Variants in DPP10 observed in about 807,000 individuals in gnomAD.
DPP10 encodes inactive dipeptidyl peptidase 10.
DPP10 carries 33 observed loss-of-function variants against 120.9 expected under a neutral mutation model. That is an observed-to-expected ratio of 0.27 (90% confidence interval 0.21 to 0.37). The LOEUF (loss-of-function observed/expected upper bound fraction) is 0.37. Ranked by LOEUF, DPP10 falls within the 10% of genes least tolerant of loss-of-function variation. DPP10 has a pLI of 1.00. For synonymous variants in DPP10, 337 were observed against 326.1 expected (o/e 1.03, Z -0.36); for missense variants, 816 against 942.8 (o/e 0.87, Z 1.76).
intron 1 of DPP10, among the ~76,000 whole-genome samples, chr2:114,731,055 A>T (rs1276229496): frequency 6.6e-6 from 1 of 152,058 alleles, no homozygotes; most frequent in East Asian, 1.9e-4. Context: ...TCACAAAAAA[A>T]TTATCTGGGG....
intron 19 of DPP10, among the ~76,000 whole-genome samples, chr2:115,811,463 CTG>C (rs1305308367): frequency 2.0e-5 from 3 of 152,178 alleles, no homozygotes; most frequent in African/African-American, 4.8e-5. Flanking sequence ...AGTTTGAAAA[CTG>C]TGCCTTATTT....
chr2:115,336,619 G>A (rs2063155581), intron 2 of DPP10, among the ~76,000 whole-genome samples: 1 of 148,774 alleles, frequency 6.7e-6, no homozygotes, highest in Non-Finnish European at 1.5e-5. Context: ...ATATATAATT[G>A]TGCCTTATAT....
intron 10 of DPP10, chr2:115,750,185 C>G (rs1312428502): frequency 1.3e-5 from 13 of 984,952 alleles, no homozygotes; most frequent in Non-Finnish European, 1.6e-5. Context: ...ACGAGTGTGA[C>G]ATTTCCAGGT....
chr2:115,658,853 C>T (rs1312953801), intron 5 of DPP10, among the ~76,000 whole-genome samples: 2 of 152,088 alleles, frequency 1.3e-5, no homozygotes, highest in Non-Finnish European at 2.9e-5. Flanking sequence ...TGAAAGAAAG[C>T]TTGTCCAGCC....
At chr2:115,046,222 T>G (rs1705060545) in intron 1 of DPP10, among the ~76,000 whole-genome samples, 1 of 152,196 alleles carries the variant, frequency 6.6e-6, no homozygotes, top group Non-Finnish European at 1.5e-5. Context: ...ACAAATTATA[T>G]TGTTTTAGAG....
At position 115,709,987 on chromosome 2, in the gene DPP10, C is replaced by T. The variant is rs75120855; in HGVS notation, c.577-17829C>T. On this transcript the variant is annotated intron_variant, in intron 7 of 25. Coordinates refer to ENST00000410059, the MANE Select transcript of DPP10 (RefSeq NM_020868.6). ...ATAATCCCTCAAAAGTAAATGTTAG[C>T]GAAACTGTTGAAAACTAAAGATAAA... Among the ~76,000 whole-genome samples, 32 of 152,066 alleles carry T rather than the reference C, an allele frequency of 2.1e-4. No individual in the cohort carries two copies. The East Asian group carries it at 3.9e-3, about 18-fold the overall frequency.
intron 21 of DPP10, among the ~76,000 whole-genome samples, chr2:115,828,203 CT>C (rs1408626114): frequency 1.3e-5 from 2 of 151,770 alleles, no homozygotes; most frequent in Non-Finnish European, 2.9e-5. Context: ...TGTTTACTAC[CT>C]TCTGGTTTGC....
At chr2:115,727,411 AC>A (rs984737203) in intron 7 of DPP10, among the ~76,000 whole-genome samples, 9 of 152,144 alleles carry the variant, frequency 5.9e-5, no homozygotes, top group African/African-American at 2.2e-4. Context: ...AAAAGTAAAG[AC>A]CCCAAATTGA....
At chr2:115,054,128 A>T (rs1705713267) in intron 1 of DPP10, among the ~76,000 whole-genome samples, 1 of 152,194 alleles carries the variant, frequency 6.6e-6, no homozygotes, top group South Asian at 2.1e-4. Flanking sequence ...GATAAATATG[A>T]TATTATACTA....
chr2:114,534,036 A>G (rs1307852190), intron 1 of DPP10, among the ~76,000 whole-genome samples: 5 of 151,100 alleles, frequency 3.3e-5, no homozygotes, highest in Non-Finnish European at 5.9e-5. Flanking sequence ...TGTTCTACAT[A>G]CTTTGTTCTA....
intron 1 of DPP10, among the ~76,000 whole-genome samples, chr2:114,784,161 C>A (rs1180123405): frequency 6.6e-6 from 1 of 152,018 alleles, no homozygotes; most frequent in East Asian, 1.9e-4. Flanking sequence ...GGATCAAGAA[C>A]CTCCTGTAGT....
At position 115,138,850 on chromosome 2, in the gene DPP10, G is replaced by C. The variant is rs146687475; in HGVS notation, c.61-170389G>C. Among the ~76,000 whole-genome samples the C allele has an allele frequency of 3.6e-3, 551 of 152,228 alleles. 5 individuals are homozygous for C. The highest frequency in any genetic ancestry group is 0.013 in the African/African-American group (529 of 41,554). ...ATTCAGATTTAAGCTCCATGACTTA[G>C]TTGCATTACATTTAATTTATGTGTA... On this transcript the variant is annotated intron_variant, in intron 1 of 25. Coordinates refer to ENST00000410059, the MANE Select transcript of DPP10 (RefSeq NM_020868.6).
chr2:114,894,557 G>A (rs539063041), intron 1 of DPP10, among the ~76,000 whole-genome samples: 1 of 151,994 alleles, frequency 6.6e-6, no homozygotes, highest in African/African-American at 2.4e-5. Context: ...ATTTATTTTT[G>A]TCTAAAGGAT....
chr2:114,735,787 T>C (rs1357176691), intron 1 of DPP10, among the ~76,000 whole-genome samples: 1 of 152,020 alleles, frequency 6.6e-6, no homozygotes, highest in Non-Finnish European at 1.5e-5. Flanking sequence ...GTTAATTATT[T>C]TTTTCTAAAT....
chr2:114,611,792 T>G (rs1693306470), intron 1 of DPP10, among the ~76,000 whole-genome samples: 1 of 152,186 alleles, frequency 6.6e-6, no homozygotes, highest in South Asian at 2.1e-4. Context: ...TTGTCACTGT[T>G]CATGTCAGCA....
At chr2:115,384,408 G>GAGAAGA (rs143889616) in intron 3 of DPP10, among the ~76,000 whole-genome samples, 2 of 148,888 alleles carry the variant, frequency 1.3e-5, no homozygotes, top group East Asian at 4.0e-4. Context: ...GAAGGAGAAG[G>GAGAAGA]AGAAGAAGAA....
Position 114,516,815 on chromosome 2 carries a change from T to C in DPP10, c.60+73977T>C, listed in dbSNP as rs140487442. Among the ~76,000 whole-genome samples the C allele has an allele frequency of 5.8e-4, 88 of 152,330 alleles. 1 individual carries two copies. Among genetic ancestry groups the C allele is most frequent in the African/African-American group, 2.1e-3 (87 of 41,568 alleles). On this transcript the variant is annotated intron_variant, in intron 1 of 25. Transcript: ENST00000410059. ...TCTGACAATACACTGTTGGGCTTTTTTTAAACTTCTACTTTTGTTTTATGA... is the reference window on the plus strand; with the variant it reads ...TCTGACAATACACTGTTGGGCTTTTCTTAAACTTCTACTTTTGTTTTATGA...
intron 1 of DPP10, among the ~76,000 whole-genome samples, chr2:115,152,866 T>C (rs1317395925): frequency 6.6e-6 from 1 of 152,188 alleles, no homozygotes; most frequent in African/African-American, 2.4e-5. Flanking sequence ...GCCAGGTTTA[T>C]GGATGTCGGC....
At chr2:115,547,405 G>T (rs1350167899) in intron 5 of DPP10, among the ~76,000 whole-genome samples, 2 of 152,104 alleles carry the variant, frequency 1.3e-5, no homozygotes, top group Admixed American at 1.3e-4. Flanking sequence ...CTATTAAAAC[G>T]AAAACAAAAT....
Sources: gnomAD v4.1 joint callset for allele counts (sites outside exome capture counted in the v4.1 genomes callset) on GRCh38, gnomAD v4.1.1 for gene constraint, MANE v1.5 for transcripts, NCBI Gene and HGNC (gene_info 2026-07-23, HGNC 2026-07-21) for gene names.